Variants in ZNF670 observed in about 807,000 individuals in gnomAD.
ZNF670 encodes zinc finger protein 670.
In ZNF670, 7 loss-of-function variants were observed where a neutral mutation model predicts 10.9. The observed-to-expected ratio is 0.64, with a 90% CI of 0.36 to 1.20. The LOEUF is 1.20. ZNF670 is among the 50% of genes most tolerant of loss of function. ZNF670 has a pLI of 0.02. For missense variants in ZNF670, 446 were observed against 458.6 expected (o/e 0.97, Z 0.25); for synonymous variants, 136 against 152.7 (o/e 0.89, Z 0.81).
At chr1:247,062,607 A>T (rs1187817010) in intron 1 of ZNF670, among the ~76,000 whole-genome samples, 1 of 152,106 alleles carries the variant, frequency 6.6e-6, no homozygotes, top group East Asian at 1.9e-4. Context: ...ATGTCCTCCA[A>T]CCCTCACCCT....
rs1334383760 is a variant in ZNF670, at chr1:247,047,781, A to G, written c.4-8244T>C. On this transcript the variant is annotated intron_variant, in intron 1 of 3. Transcript: ENST00000366503. ...AAGGCTGCCAAGACTTGGGGCTTGAACCCTCTGAAGCAATGGCCTGAGCTG... is the reference window on the plus strand; with the variant it reads ...AAGGCTGCCAAGACTTGGGGCTTGAGCCCTCTGAAGCAATGGCCTGAGCTG... Among the ~76,000 whole-genome samples the G allele has an allele frequency of 2.6e-5, 4 of 152,118 alleles. No homozygotes were observed. The East Asian group carries it at 7.7e-4, about 29-fold the overall frequency.
intron 1 of ZNF670, among the ~76,000 whole-genome samples, chr1:247,066,645 G>A (rs1331372059): frequency 6.6e-6 from 1 of 152,148 alleles, no homozygotes; most frequent in Non-Finnish European, 1.5e-5. Context: ...AGTTAACCTG[G>A]AAAACTACTT....
chr1:247,078,481 G>C, intron 1 of ZNF670, 113 bp downstream of exon 1: 1 of 1,397,756 alleles, frequency 7.2e-7, no homozygotes, highest in East Asian at 2.4e-5. Flanking sequence ...CACTAAGGCC[G>C]CGAGGCGCCG....
Position 247,036,852 on chromosome 1 carries a change from T to C in ZNF670, c.*597A>G, listed in dbSNP as rs1249925837. The C allele has an allele frequency of 7.2e-6, 1 of 139,030 alleles. No individual in the cohort carries two copies. The highest frequency in any genetic ancestry group is 2.7e-5 in the African/African-American group (1 of 36,664). The allele number at this position is 139,030 out of a possible 1,614,324, so 8.6% of individuals were successfully genotyped here. ...AAATCTTTACAACAAAAAAGTAGTT[T>C]TCCCATAAAAAGGTAGAATACACAC... On this transcript the variant is annotated 3_prime_UTR_variant, in exon 4 of 4. Coordinates refer to ENST00000366503, the MANE Select transcript of ZNF670 (RefSeq NM_033213.5).
intron 1 of ZNF670, among the ~76,000 whole-genome samples, chr1:247,077,345 C>T (rs1671277615): frequency 6.6e-6 from 1 of 152,118 alleles, no homozygotes; most frequent in Non-Finnish European, 1.5e-5. Flanking sequence ...ATTAGACACT[C>T]CAAGAGATCT....
chr1:247,053,390 TG>T (rs2103060966), intron 1 of ZNF670, among the ~76,000 whole-genome samples: 1 of 152,272 alleles, frequency 6.6e-6, no homozygotes, highest in Admixed American at 6.5e-5. Flanking sequence ...CCCAGTACTT[TG>T]GGAGGCCGAG....
In ZNF670 at chr1:247,037,242, AT is replaced by A; in HGVS notation, c.*206del. ...TAAAGTGTTCTAACACATTTTTCGTATTTTATGACGTTCTTTCCCAGGACGG... is the reference window on the plus strand; with the variant it reads ...TAAAGTGTTCTAACACATTTTTCGTATTTATGACGTTCTTTCCCAGGACGG... On this transcript the variant is annotated 3_prime_UTR_variant, in exon 4 of 4. Coordinates refer to ENST00000366503, the MANE Select transcript of ZNF670 (RefSeq NM_033213.5). 1 of 497,676 alleles carries A rather than the reference AT, an allele frequency of 2.0e-6. No homozygotes were observed. The highest frequency in any genetic ancestry group is 3.4e-6 in the Non-Finnish European group (1 of 297,966). The allele number at this position is 497,676 out of a possible 1,614,324, so 30.8% of individuals were successfully genotyped here.
At chr1:247,040,761 C>T (rs1670285310) in intron 1 of ZNF670, among the ~76,000 whole-genome samples, 1 of 151,946 alleles carries the variant, frequency 6.6e-6, no homozygotes, top group Non-Finnish European at 1.5e-5. Context: ...GGCGTGATCT[C>T]GGCTCACCAC....
rs776394826 is a variant in ZNF670 at position 247,078,618 on chromosome 1, G to C, written c.-22C>G. Reference sequence around the variant, plus strand: ...CCATTTCCCAGTCTCCGGTGTCTGGGGTCCTCCCTAAGGACCTTCCGGGAC... The same window carrying C: ...CCATTTCCCAGTCTCCGGTGTCTGGCGTCCTCCCTAAGGACCTTCCGGGAC... On this transcript the variant is annotated 5_prime_UTR_variant, in exon 1 of 4. Coordinates refer to ENST00000366503, the MANE Select transcript of ZNF670 (RefSeq NM_033213.5). The C allele has an allele frequency of 1.9e-6, 3 of 1,613,664 alleles. No individual in the cohort carries two copies. In the South Asian group the frequency reaches 3.3e-5, roughly 18 times the overall value.
intron 1 of ZNF670, among the ~76,000 whole-genome samples, chr1:247,069,536 T>C (rs1436734459): frequency 1.3e-5 from 2 of 151,154 alleles, no homozygotes; most frequent in African/African-American, 4.9e-5. Context: ...GTCAAAGAGA[T>C]ATCCACACTC....
chr1:247,072,798 G>GTA (rs1491144904), intron 1 of ZNF670, among the ~76,000 whole-genome samples: 1,250 of 18,524 alleles, frequency 0.067, 30 homozygotes, highest in African/African-American at 0.085. Flanking sequence ...AAAAAAAAAA[G>GTA]TGTGTGTATA....
intron 1 of ZNF670, among the ~76,000 whole-genome samples, chr1:247,075,378 T>C (rs983119183): frequency 6.6e-6 from 1 of 152,250 alleles, no homozygotes; most frequent in Non-Finnish European, 1.5e-5. Context: ...CACTTGCTTG[T>C]GGAAATGTAT....
intron 1 of ZNF670, among the ~76,000 whole-genome samples, chr1:247,044,173 G>A (rs1670384474): frequency 1.3e-5 from 2 of 152,062 alleles, no homozygotes; most frequent in Non-Finnish European, 2.9e-5. Context: ...AATAATTTAT[G>A]TTGAAAAGAT....
At chr1:247,045,561 T>C (rs542472568) in intron 1 of ZNF670, among the ~76,000 whole-genome samples, 15 of 152,272 alleles carry the variant, frequency 9.9e-5, no homozygotes, top group African/African-American at 2.6e-4. Flanking sequence ...CAGCTGCCGG[T>C]GCCATGCTTG....
At chr1:247,057,382 G>T (rs1425772118) in intron 1 of ZNF670, among the ~76,000 whole-genome samples, 1 of 152,140 alleles carries the variant, frequency 6.6e-6, no homozygotes, top group African/African-American at 2.4e-5. Context: ...CTGGTATAGT[G>T]GTTGTGGAAA....
chr1:247,062,229 C>T (rs1210562598), intron 1 of ZNF670, among the ~76,000 whole-genome samples: 4 of 151,996 alleles, frequency 2.6e-5, no homozygotes, highest in African/African-American at 7.2e-5. Flanking sequence ...TCATTTTCTG[C>T]ACCCACAATG....
At chr1:247,061,824 T>G (rs944599532) in intron 1 of ZNF670, among the ~76,000 whole-genome samples, 2 of 152,142 alleles carry the variant, frequency 1.3e-5, no homozygotes, top group African/African-American at 4.8e-5. Flanking sequence ...CCCCCAGAAT[T>G]CCTATGTGAA....
rs1402549756 is a variant in ZNF670 at position 247,036,407 on chromosome 1, T to C, written c.*1042A>G. 1.3e-5 allele frequency among the ~76,000 whole-genome samples: 2 copies of C among 152,114 alleles called. No individual in the cohort carries two copies. Among genetic ancestry groups the C allele is most frequent in the Non-Finnish European group, 2.9e-5 (2 of 68,010 alleles). On this transcript the variant is annotated 3_prime_UTR_variant, in exon 4 of 4. Transcript: ENST00000366503. ...GTAGCTCATGTCAGTAACCCCAACA[T>C]GTAGACAGGCTGAGGCAGGAGGATA...
At chr1:247,057,312 C>T (rs1670743704) in intron 1 of ZNF670, among the ~76,000 whole-genome samples, 1 of 152,028 alleles carries the variant, frequency 6.6e-6, no homozygotes, top group Non-Finnish European at 1.5e-5. Context: ...TATCTCATTC[C>T]CATTAAAATG....
Sources: allele counts gnomAD v4.1 joint callset (sites outside exome capture counted in the v4.1 genomes callset), GRCh38; gene constraint gnomAD v4.1.1; transcripts MANE v1.5; gene names NCBI Gene and HGNC (gene_info 2026-07-23, HGNC 2026-07-21).